The following AGL variants were observed in gnomAD, a reference collection of about 807,000 sequenced individuals.
AGL encodes the protein amylo-alpha-1,6-glucosidase and 4-alpha-glucanotransferase.
In AGL, 128 loss-of-function variants were observed where a neutral mutation model predicts 199.3. That is an observed-to-expected ratio of 0.64 (90% CI 0.56 to 0.74). AGL has a LOEUF of 0.74. Among genes scored for constraint, AGL ranks in the 30% least tolerant of loss-of-function variants. The pLI is 0.00. For missense variants in AGL, 1,809 were observed against 1,820.8 expected, an observed-to-expected ratio of 0.99 and a Z score of 0.12; for synonymous variants, 584 against 594.7, an observed-to-expected ratio of 0.98 and a Z score of 0.26.
chr1:99,851,101 A>C lies in AGL; in HGVS notation c.59A>C (p.Lys20Thr). 6.2e-7 allele frequency: 1 copy of C among 1,614,138 alleles called. No individual in the cohort carries two copies. ...CTGAACGAAATGGAGAAACTGGAAAAGACCCTCTTCAGACTTGAACAAGGT... is the reference window on the plus strand; with the variant it reads ...CTGAACGAAATGGAGAAACTGGAAACGACCCTCTTCAGACTTGAACAAGGT... ...LLLNEMEKLE[K>T]TLFRLEQGYE... The change falls in exon 2 of 34, where the codon AAG (lysine) becomes ACG (threonine). Residue 20 changes from lysine (K) to threonine (T), a missense_variant. Transcript: ENST00000361915.
At chr1:99,907,775 G>T (rs1426707903) in intron 27 of AGL, among the ~76,000 whole-genome samples, 1 of 139,900 alleles carries the variant, frequency 7.1e-6, no homozygotes, top group Non-Finnish European at 1.5e-5. Flanking sequence ...TGATTTCTTA[G>T]TGATGTTGAG....
intron 25 of AGL, among the ~76,000 whole-genome samples, chr1:99,899,419 A>C (rs2100813288): frequency 6.6e-6 from 1 of 152,206 alleles, no homozygotes; most frequent in Admixed American, 6.5e-5. Flanking sequence ...ATAATAGTAA[A>C]ATAATGCTTT....
In AGL at chr1:99,891,265, G is replaced by C; in HGVS notation, c.2858G>C (p.Gly953Ala). Residue 953 changes from glycine to alanine, a missense_variant, in exon 22 of 34, where the codon GGG becomes GCG. Transcript: ENST00000361915. The part of the protein sequence containing the change: ...LAEIRPKNDL[G>A]HPFCNNLRSG... ...GAAATAAGACCAAAGAATGACTTGGGGCATCCTTTTTGTAATAATTTGAGA... is the reference window on the plus strand; with the variant it reads ...GAAATAAGACCAAAGAATGACTTGGCGCATCCTTTTTGTAATAATTTGAGA... The C allele has an allele frequency of 6.2e-7, 1 of 1,613,556 alleles. No homozygotes were observed. The highest frequency in any genetic ancestry group is 8.5e-7 in the Non-Finnish European group (1 of 1,179,690).
chr1:99,890,614 C>T (rs1652808129), intron 21 of AGL, among the ~76,000 whole-genome samples: 1 of 145,174 alleles, frequency 6.9e-6, no homozygotes, highest in Non-Finnish European at 1.5e-5. Flanking sequence ...AATTCTAATG[C>T]TTCTAATTGA....
At chr1:99,861,250 G>A (rs2101083672) in intron 2 of AGL, 2 of 1,339,378 alleles carry the variant, frequency 1.5e-6, no homozygotes, top group East Asian at 3.2e-5. Flanking sequence ...ATGTGAATAG[G>A]AATGCGTTTC....
intron 5 of AGL, among the ~76,000 whole-genome samples, chr1:99,870,096 G>T (rs555356731): frequency 2.0e-5 from 3 of 151,790 alleles, no homozygotes; most frequent in Admixed American, 6.6e-5. Context: ...TCAAAACAAC[G>T]TATTTCATTA....
intron 5 of AGL, among the ~76,000 whole-genome samples, chr1:99,866,840 T>TGGAGTG (rs1311942539): frequency 6.6e-6 from 1 of 150,908 alleles, no homozygotes; most frequent in Non-Finnish European, 1.5e-5. Flanking sequence ...TTTTTTGAGA[T>TGGAGTG]GGAGTTTCAC....
chr1:99,884,548 CT>C lies in AGL; in HGVS notation c.2547-16del. On this transcript the variant is annotated intron_variant, in intron 19 of 33. Coordinates refer to ENST00000361915, the MANE Select transcript of AGL (RefSeq NM_000642.3). Reference sequence around the variant, plus strand: ...ATAAATTACTCCTAAAAATTAACCACTTTTTAATTAACATTTTCAGAGTTAG... The same window carrying C: ...ATAAATTACTCCTAAAAATTAACCACTTTTAATTAACATTTTCAGAGTTAG... 6.2e-7 allele frequency: 1 copy of C among 1,612,998 alleles called. No individual in the cohort carries two copies. Among genetic ancestry groups the C allele is most frequent in the Non-Finnish European group, 8.5e-7 (1 of 1,179,298 alleles).
chr1:99,901,854 T>A (rs940899144), intron 26 of AGL, among the ~76,000 whole-genome samples: 8 of 152,286 alleles, frequency 5.3e-5, no homozygotes, highest in Admixed American at 3.9e-4. Flanking sequence ...CATGAAGTAC[T>A]CAACATTTGT....
chr1:99,851,181 T>C, intron 2 of AGL, 57 bp downstream of exon 2: 1 of 1,399,994 alleles, frequency 7.1e-7, no homozygotes, highest in South Asian at 1.2e-5. Flanking sequence ...TTTAATTCAT[T>C]GGCAGTCCTG....
intron 29 of AGL, 129 bp downstream of exon 29, chr1:99,912,646 T>C: frequency 1.4e-6 from 1 of 738,872 alleles, no homozygotes; most frequent in Non-Finnish European, 2.2e-6. Context: ...AGAAAATTCA[T>C]TAATTTACTA....
intron 21 of AGL, among the ~76,000 whole-genome samples, chr1:99,890,374 T>A (rs894392011): frequency 1.3e-5 from 2 of 152,144 alleles, no homozygotes; most frequent in East Asian, 1.9e-4. Context: ...TTTTATAGTC[T>A]TGTTTCCCAA....
At chr1:99,890,795 C>T (rs948599374) in intron 21 of AGL, among the ~76,000 whole-genome samples, 17 of 152,050 alleles carry the variant, frequency 1.1e-4, no homozygotes, top group African/African-American at 4.1e-4. Flanking sequence ...CTATGACTTC[C>T]TTAAATCTAG....
intron 33 of AGL, among the ~76,000 whole-genome samples, chr1:99,920,732 G>A (rs1655458866): frequency 6.6e-6 from 1 of 152,092 alleles, no homozygotes; most frequent in Non-Finnish European, 1.5e-5. Flanking sequence ...ATATAGCCCT[G>A]AGATACAAAC....
rs1445024090 is a variant in AGL, at chr1:99,874,929, T to C, written c.1082+119T>C. 5 of 1,291,808 alleles carry C rather than the reference T, an allele frequency of 3.9e-6. No individual in the cohort carries two copies. In the Admixed American group the frequency reaches 8.1e-5, roughly 21 times the overall value. 80.0% of individuals were successfully genotyped at this position (1,291,808 alleles called of 1,614,324 possible). On this transcript the variant is annotated intron_variant, in intron 8 of 33. Transcript: ENST00000361915. ...TAGAAAATGAAATAAAGTAATTCAC[T>C]GTAATTCTACTATTTCAGCACATGA...
At chr1:99,899,203 A>G (rs899537513) in intron 25 of AGL, among the ~76,000 whole-genome samples, 6 of 152,210 alleles carry the variant, frequency 3.9e-5, no homozygotes, top group Admixed American at 1.3e-4. Context: ...ACTGTTGAAA[A>G]GATGGGCATT....
rs1243731253 is a variant in AGL, at chr1:99,909,565, C to G, written c.3701-1147C>G. Among the ~76,000 whole-genome samples, 6 of 152,032 alleles carry G rather than the reference C, an allele frequency of 3.9e-5. No individual in the cohort carries two copies. In the East Asian group the frequency reaches 9.7e-4, roughly 25 times the overall value. On this transcript the variant is annotated intron_variant, in intron 27 of 33. Transcript: ENST00000361915. The stretch of plus-strand genomic sequence containing the variant: ...CTTTGGCTAGAGTCAATTGGTTTTT[C>G]TTGGAACTCTTTGTCATTACCTGTT...
chr1:99,874,683 T>C lies in AGL; in HGVS notation c.959-4T>C, dbSNP rs1399258321. ...TTTAAGGTATCGTCTTTTCTTTCTT[T>C]TAGAAAATAGGCGAGTAACCAAGTC... is the stretch of plus-strand genomic sequence containing the variant. On this transcript the variant is annotated splice_polypyrimidine_tract_variant and splice_region_variant and intron_variant, in intron 7 of 33. Coordinates refer to ENST00000361915, the MANE Select transcript of AGL (RefSeq NM_000642.3). 1.9e-6 allele frequency: 3 copies of C among 1,609,704 alleles called. No individual in the cohort carries two copies. In the African/African-American group the frequency reaches 4.0e-5, roughly 22 times the overall value.
intron 2 of AGL, among the ~76,000 whole-genome samples, chr1:99,851,579 T>C (rs972551521): frequency 1.3e-5 from 2 of 152,214 alleles, no homozygotes; most frequent in Non-Finnish European, 2.9e-5. Context: ...TAAACTATTG[T>C]TTATGTATAT....
Sources: allele counts gnomAD v4.1 joint callset (sites outside exome capture counted in the v4.1 genomes callset), GRCh38; gene constraint gnomAD v4.1.1; transcripts MANE v1.5; gene names NCBI Gene and HGNC (gene_info 2026-07-23, HGNC 2026-07-21).